Variants in LUC7L2 observed in about 807,000 individuals in gnomAD.
LUC7L2 encodes the protein LUC7 like 2, pre-mRNA splicing factor, also known as putative RNA-binding protein Luc7-like 2.
A neutral mutation model predicts 52.8 loss-of-function variants in LUC7L2; 25 were observed. That is an observed-to-expected ratio of 0.47 (90% confidence interval 0.34 to 0.66). LUC7L2 has a LOEUF of 0.66. LUC7L2 is among the 30% of genes least tolerant of loss of function. The probability of loss-of-function intolerance (pLI) is 0.01; values close to 1 mark genes in which losing one functional copy is unlikely to be tolerated. For missense variants in LUC7L2, 328 were observed against 497.8 expected, an observed-to-expected ratio of 0.66 and a Z score of 3.25; for synonymous variants, 144 against 160.9, an observed-to-expected ratio of 0.89 and a Z score of 0.80.
At chr7:139,395,129 C>T (rs1794603771) in intron 2 of LUC7L2, among the ~76,000 whole-genome samples, 1 of 152,114 alleles carries the variant, frequency 6.6e-6, no homozygotes, top group East Asian at 1.9e-4. Flanking sequence ...ACAGCTATAG[C>T]TTGTGGAAAT....
At chr7:139,405,312 G>A (rs1464955333) in intron 4 of LUC7L2, among the ~76,000 whole-genome samples, 1 of 152,194 alleles carries the variant, frequency 6.6e-6, no homozygotes, top group Non-Finnish European at 1.5e-5. Flanking sequence ...TATAAATTAT[G>A]TTGTGAGGTG....
At chr7:139,344,293 C>G (rs949243282) in intron 1 of LUC7L2, among the ~76,000 whole-genome samples, 3 of 152,090 alleles carry the variant, frequency 2.0e-5, no homozygotes, top group Admixed American at 6.6e-5. Flanking sequence ...ACACCCCCCA[C>G]CCCCACTCAG....
intron 9 of LUC7L2, among the ~76,000 whole-genome samples, chr7:139,418,700 G>A (rs1428443040): frequency 6.6e-6 from 1 of 151,952 alleles, no homozygotes; most frequent in Non-Finnish European, 1.5e-5. Flanking sequence ...TTCTGGCCTT[G>A]TTTTTAGTAT....
intron 1 of LUC7L2, 75 bp downstream of exon 1, chr7:139,360,397 C>G: frequency 1.4e-6 from 2 of 1,417,402 alleles, no homozygotes; most frequent in South Asian, 2.5e-5. Context: ...GAGGGCGCAC[C>G]TGGGCGCGCG....
intron 4 of LUC7L2, among the ~76,000 whole-genome samples, chr7:139,405,380 G>A (rs1013884532): frequency 2.6e-5 from 4 of 152,150 alleles, no homozygotes; most frequent in African/African-American, 9.7e-5. Context: ...GGAAGAAATC[G>A]TATTTTACAC....
chr7:139,379,160 C>T (rs1800861374), intron 2 of LUC7L2, among the ~76,000 whole-genome samples: 1 of 152,076 alleles, frequency 6.6e-6, no homozygotes, highest in African/African-American at 2.4e-5. Context: ...TAAGATCTGT[C>T]ACTTGCAGCA....
chr7:139,380,885 G>C (rs78911092), intron 2 of LUC7L2, among the ~76,000 whole-genome samples: 1,861 of 152,202 alleles, frequency 0.012, 45 homozygotes, highest in African/African-American at 0.043. Context: ...CGGGAAAAAA[G>C]ATACATGACT....
chr7:139,340,698 A>C (rs919915436), intron 1 of LUC7L2: 1 of 392,076 alleles, frequency 2.6e-6, no homozygotes, highest in Non-Finnish European at 4.5e-6. Flanking sequence ...TCGTTTGCAG[A>C]AGCCCCAGTG....
intron 1 of LUC7L2, chr7:139,345,755 C>A: frequency 6.5e-7 from 1 of 1,539,732 alleles, no homozygotes; most frequent in Non-Finnish European, 8.8e-7. Flanking sequence ...TGAATAATTT[C>A]TATCAATATG....
chr7:139,373,420 C>T (rs570887172), intron 1 of LUC7L2, among the ~76,000 whole-genome samples: 52 of 152,280 alleles, frequency 3.4e-4, no homozygotes, highest in African/African-American at 1.1e-3. Flanking sequence ...TCTATAATGG[C>T]TGCTATTTGA....
At chr7:139,354,657 C>T (rs1262779024) in intron 1 of LUC7L2, among the ~76,000 whole-genome samples, 1 of 152,172 alleles carries the variant, frequency 6.6e-6, no homozygotes, top group African/African-American at 2.4e-5. Context: ...CCACTATACC[C>T]TGCCAGCATT....
rs1794943720 is a variant in LUC7L2, at chr7:139,402,139, C to A, written c.258C>A (p.Ala86=). Reference sequence around the variant, plus strand: ...TTGTCTTTAATTAAACTTTGTAGGCCATGGATCATCTGCAGTCATTCATTG... The same window carrying A: ...TTGTCTTTAATTAAACTTTGTAGGCAATGGATCATCTGCAGTCATTCATTG... ...KEQDFFFELD[A]MDHLQSFIAD... The change falls in exon 4 of 10, where the codon GCC becomes GCA. Residue 86 remains alanine, a splice_region_variant and synonymous_variant. Transcript: ENST00000354926. 4.4e-6 allele frequency: 7 copies of A among 1,588,412 alleles called. No individual in the cohort carries two copies. The highest frequency in any genetic ancestry group is 5.1e-6 in the Non-Finnish European group (6 of 1,172,670).
chr7:139,395,808 T>C (rs1794635330), intron 2 of LUC7L2, among the ~76,000 whole-genome samples: 1 of 152,066 alleles, frequency 6.6e-6, no homozygotes. Flanking sequence ...GCCTGGATAA[T>C]TTTTTTCTTT....
chr7:139,373,556 A>C (rs1800560448), intron 1 of LUC7L2, among the ~76,000 whole-genome samples: 1 of 151,668 alleles, frequency 6.6e-6, no homozygotes, highest in Non-Finnish European at 1.5e-5. Context: ...TTAAAAGCTC[A>C]CCAGGGAAAA....
intron 1 of LUC7L2, chr7:139,341,398 G>T: frequency 6.2e-7 from 1 of 1,613,142 alleles, no homozygotes; most frequent in Non-Finnish European, 8.5e-7. Context: ...GCGGCCTTAG[G>T]GTCCCCGTCG....
chr7:139,393,813 A>G (rs1794548134), intron 2 of LUC7L2, among the ~76,000 whole-genome samples: 1 of 152,220 alleles, frequency 6.6e-6, no homozygotes, highest in African/African-American at 2.4e-5. Context: ...AGTAGTCATC[A>G]TGGTATGGAC....
chr7:139,365,391 A>G (rs1022051918), intron 1 of LUC7L2, among the ~76,000 whole-genome samples: 9 of 152,204 alleles, frequency 5.9e-5, no homozygotes, highest in African/African-American at 9.6e-5. Context: ...ATAAGGAGCA[A>G]GTAAATTCTT....
chr7:139,357,557 T>C (rs929499204), upstream of LUC7L2, among the ~76,000 whole-genome samples: 1 of 152,208 alleles, frequency 6.6e-6, no homozygotes, highest in Non-Finnish European at 1.5e-5. Context: ...CAAAGACATA[T>C]TAATTTGCAC....
intron 2 of LUC7L2, among the ~76,000 whole-genome samples, chr7:139,384,086 T>C (rs1794085087): frequency 6.6e-6 from 1 of 152,086 alleles, no homozygotes; most frequent in Admixed American, 6.6e-5. Context: ...ATGACACCAG[T>C]GGTTACCTGT....
Sources: allele counts gnomAD v4.1 joint callset (sites outside exome capture counted in the v4.1 genomes callset), GRCh38; gene constraint gnomAD v4.1.1; transcripts MANE v1.5; gene names NCBI Gene and HGNC (gene_info 2026-07-23, HGNC 2026-07-21).